TBC1D22A: variants seen among roughly 807,000 people sequenced by gnomAD.
The protein encoded by TBC1D22A is putative GTPase activator.
TBC1D22A carries 38 observed loss-of-function variants against 60.2 expected under a neutral mutation model. The observed-to-expected ratio is 0.63, with a 90% confidence interval of 0.49 to 0.83. TBC1D22A has a LOEUF of 0.83. TBC1D22A is among the 40% of genes least tolerant of loss of function. TBC1D22A has a pLI of 0.00. For synonymous variants in TBC1D22A, 302 were observed against 281.7 expected (o/e 1.07, Z -0.72); for missense variants, 628 against 701.0 (o/e 0.90, Z 1.18).
chr22:46,803,238 G>A (rs569178248), intron 4 of TBC1D22A, among the ~76,000 whole-genome samples: 6 of 152,064 alleles, frequency 3.9e-5, no homozygotes, highest in African/African-American at 4.8e-5. Context: ...TGAAGAGCTC[G>A]AGACAAGGTT....
chr22:47,039,704 GAAAA>G (rs34793078), intron 11 of TBC1D22A, among the ~76,000 whole-genome samples: 3 of 81,456 alleles, frequency 3.7e-5, no homozygotes, highest in Admixed American at 1.6e-4. Context: ...TGCATTTCAG[GAAAA>G]AAAAAAAAAA....
chr22:46,926,952 C>T (rs1271465804), intron 8 of TBC1D22A, among the ~76,000 whole-genome samples: 1 of 152,040 alleles, frequency 6.6e-6, no homozygotes, highest in Non-Finnish European at 1.5e-5. Context: ...ATTATTGAAA[C>T]AATAATTTCA....
intron 4 of TBC1D22A, among the ~76,000 whole-genome samples, chr22:46,867,361 GTGA>G (rs1366614585): frequency 6.6e-6 from 1 of 152,230 alleles, no homozygotes; most frequent in East Asian, 1.9e-4. Flanking sequence ...TCTGTGTTCA[GTGA>G]TGATGATGAA....
rs748640215 is a variant in TBC1D22A at position 46,904,096 on chromosome 22, A to AATCTATCT, written c.901-7936_901-7929dup. ...TATACATATATACATATCTAAATAA[A>AATCTATCT]ATCTATCTATCTATCTATCTATCTA... On this transcript the variant is annotated intron_variant, in intron 7 of 12. Coordinates refer to ENST00000337137, the MANE Select transcript of TBC1D22A (RefSeq NM_014346.5). Among the ~76,000 whole-genome samples, 563 of 106,892 alleles carry AATCTATCT rather than the reference A, an allele frequency of 5.3e-3. 3 individuals carry two copies. Among genetic ancestry groups the AATCTATCT allele is most frequent in the South Asian group, 0.021 (75 of 3,496 alleles). 70.1% of individuals were successfully genotyped at this position (106,892 alleles called of 152,430 possible).
chr22:46,866,088 AG>A (rs1222807709), intron 4 of TBC1D22A, among the ~76,000 whole-genome samples: 7 of 152,320 alleles, frequency 4.6e-5, no homozygotes, highest in African/African-American at 1.7e-4. Context: ...CAAAAAATAA[AG>A]ATCTTTTAAA....
chr22:47,113,391 C>A (rs2065918477), intron 12 of TBC1D22A, among the ~76,000 whole-genome samples: 1 of 152,126 alleles, frequency 6.6e-6, no homozygotes, highest in African/African-American at 2.4e-5. Flanking sequence ...GACATTGCTG[C>A]CCTCCTGGGT....
At chr22:46,955,065 C>T (rs928356486) in intron 8 of TBC1D22A, among the ~76,000 whole-genome samples, 4 of 152,080 alleles carry the variant, frequency 2.6e-5, no homozygotes, top group African/African-American at 4.8e-5. Flanking sequence ...ATTCTGGAAG[C>T]GTATTTCGTG....
In TBC1D22A at chr22:46,762,703, C is replaced by G; in HGVS notation, c.-84C>G. ...AGTCCCGGGAGCAGTGAGGGGCCAC[C>G]CGGGGCACAGGAAAGGGCCGCTAGG... is the stretch of plus-strand genomic sequence containing the variant. On this transcript the variant is annotated 5_prime_UTR_variant, in exon 1 of 13. Transcript: ENST00000337137. 1 of 1,261,332 alleles carries G rather than the reference C, an allele frequency of 7.9e-7. No homozygotes were observed. The highest frequency in any genetic ancestry group is 1.9e-5 in the South Asian group (1 of 52,004). The allele number at this position is 1,261,332 out of a possible 1,614,324, so 78.1% of individuals were successfully genotyped here. A position where few individuals can be genotyped will look rare whatever the true frequency, so the allele number is the denominator to read the frequency against.
chr22:47,056,404 A>G (rs1018485771), intron 11 of TBC1D22A, among the ~76,000 whole-genome samples: 2 of 152,118 alleles, frequency 1.3e-5, no homozygotes, highest in South Asian at 2.1e-4. Context: ...TGACTTCACC[A>G]TGGAGCCCTG....
chr22:47,091,174 T>TG, intron 11 of TBC1D22A, among the ~76,000 whole-genome samples: 1 of 46,684 alleles, frequency 2.1e-5, no homozygotes, highest in Non-Finnish European at 4.0e-5. Flanking sequence ...GAGAAGTTGG[T>TG]GGGGAGTGGC....
At chr22:46,860,543 AC>A (rs2087810857) in intron 4 of TBC1D22A, among the ~76,000 whole-genome samples, 1 of 88,606 alleles carries the variant, frequency 1.1e-5, no homozygotes, top group South Asian at 3.7e-4. Flanking sequence ...CCTTCCTGGG[AC>A]CAGAATCCTT....
At chr22:46,795,196 C>T (rs909042253) in intron 3 of TBC1D22A, among the ~76,000 whole-genome samples, 6 of 152,328 alleles carry the variant, frequency 3.9e-5, no homozygotes, top group East Asian at 3.9e-4. Flanking sequence ...ATGCACTGAC[C>T]GCCTTCTGCA....
At chr22:47,014,497 CG>C (rs1410942950) in intron 10 of TBC1D22A, among the ~76,000 whole-genome samples, 3 of 152,158 alleles carry the variant, frequency 2.0e-5, no homozygotes, top group African/African-American at 4.8e-5. Context: ...TGTCAGGGCC[CG>C]GGGGTAGGGG....
intron 12 of TBC1D22A, among the ~76,000 whole-genome samples, chr22:47,168,570 T>G (rs2068296600): frequency 6.6e-6 from 1 of 152,212 alleles, no homozygotes; most frequent in African/African-American, 2.4e-5. Context: ...CTCCCGCATC[T>G]AATCCAGTGA....
intron 9 of TBC1D22A, among the ~76,000 whole-genome samples, chr22:46,988,313 C>G (rs1455546189): frequency 6.6e-6 from 1 of 152,220 alleles, no homozygotes; most frequent in Non-Finnish European, 1.5e-5. Flanking sequence ...GGTTTTTTGA[C>G]CTCTTCCCAT....
chr22:46,911,821 A>C (rs558842096), intron 7 of TBC1D22A, among the ~76,000 whole-genome samples: 10 of 151,642 alleles, frequency 6.6e-5, no homozygotes, highest in African/African-American at 2.4e-4. Flanking sequence ...TGGAAGGCTG[A>C]GGTGGGAGGA....
intron 11 of TBC1D22A, among the ~76,000 whole-genome samples, chr22:47,100,784 G>A (rs1323078282): frequency 6.6e-6 from 1 of 152,114 alleles, no homozygotes; most frequent in East Asian, 1.9e-4. Flanking sequence ...GTCTTTATCA[G>A]CCACGTGAAA....
In TBC1D22A at chr22:47,074,345, T is replaced by A. The variant is rs74521371; in HGVS notation, c.1329+37147T>A. 5.5e-3 allele frequency among the ~76,000 whole-genome samples: 840 copies of A among 152,234 alleles called. 8 individuals carry two copies. Among genetic ancestry groups the A allele is most frequent in the African/African-American group, 0.018 (767 of 41,534 alleles). ...GTTTTCCCTAATGTGTGTCAACACATCTATTAAGGGGAAAGGACTGCTCGG... is the reference window on the plus strand; with the variant it reads ...GTTTTCCCTAATGTGTGTCAACACAACTATTAAGGGGAAAGGACTGCTCGG... On this transcript the variant is annotated intron_variant, in intron 11 of 12. Transcript: ENST00000337137.
chr22:47,143,023 C>A (rs1461298573), intron 12 of TBC1D22A, among the ~76,000 whole-genome samples: 1 of 151,862 alleles, frequency 6.6e-6, no homozygotes, highest in Non-Finnish European at 1.5e-5. Flanking sequence ...CATGCACAGG[C>A]CTTGAAGGTG....
Sources: gnomAD v4.1 joint callset for allele counts (sites outside exome capture counted in the v4.1 genomes callset) on GRCh38, gnomAD v4.1.1 for gene constraint, MANE v1.5 for transcripts, NCBI Gene and HGNC (gene_info 2026-07-23, HGNC 2026-07-21) for gene names.